ALCAM: variants seen among roughly 807,000 people sequenced by gnomAD.
The protein encoded by ALCAM is CD166 antigen.
In ALCAM, 30 loss-of-function variants were observed where a neutral mutation model predicts 70.9. The ratio of observed to expected loss-of-function variants is 0.42; its 90% CI spans 0.32 to 0.57. The LOEUF (loss-of-function observed/expected upper bound fraction) is 0.57, where lower values mean the gene tolerates loss of function less well. Among genes scored for constraint, ALCAM ranks in the 20% least tolerant of loss-of-function variants. The pLI is 0.11. For missense variants in ALCAM, 591 were observed against 695.1 expected (o/e 0.85, Z 1.68); for synonymous variants, 249 against 242.5 (o/e 1.03, Z -0.25).
At chr3:105,368,220 T>TG (rs1318253512) in intron 1 of ALCAM, among the ~76,000 whole-genome samples, 3 of 17,350 alleles carry the variant, frequency 1.7e-4, no homozygotes, top group Non-Finnish European at 2.4e-4. Flanking sequence ...TACTGAGTCT[T>TG]GGAAGAGAGA....
rs1035597717 is a variant in ALCAM at position 105,443,673 on chromosome 3, A to G, written c.73+76192A>G. 4.6e-5 allele frequency among the ~76,000 whole-genome samples: 7 copies of G among 152,352 alleles called. No individual in the cohort carries two copies. In the South Asian group the frequency reaches 1.4e-3, roughly 32 times the overall value. On this transcript the variant is annotated intron_variant, in intron 1 of 15. Coordinates refer to ENST00000306107, the MANE Select transcript of ALCAM (RefSeq NM_001627.4). The stretch of plus-strand genomic sequence containing the variant: ...ATCTTATTAAACAATGGACAAATGT[A>G]GAACTAAATTTCATTTCCACTTAAA...
intron 1 of ALCAM, among the ~76,000 whole-genome samples, chr3:105,404,790 G>A (rs956472311): frequency 6.6e-6 from 1 of 152,002 alleles, no homozygotes; most frequent in African/African-American, 2.4e-5. Context: ...AAAAGATGCA[G>A]AATGACAGAA....
At position 105,547,511 on chromosome 3, in the gene ALCAM, C is replaced by T. The variant is rs145462175; in HGVS notation, c.1362C>T (p.Ser454=). The change falls in exon 11 of 16, where the codon AGC becomes AGT. Residue 454 remains serine, a synonymous_variant. Transcript: ENST00000306107. The stretch of plus-strand genomic sequence containing the variant: ...AATGGACAATTACTGGCAGTGGAAG[C>T]GTCATAAACCAAGCAAGTATTTGTC... ...AIQWTITGSG[S]VINQTEESPY... is the part of the protein sequence containing the mutation. 1.7e-3 allele frequency: 2,788 copies of T among 1,606,412 alleles called. 13 individuals are homozygous for T. The highest frequency in any genetic ancestry group is 3.0e-3 in the East Asian group (135 of 44,776).
In ALCAM at chr3:105,554,882, TA is replaced by T. The variant is rs1372186294; in HGVS notation, c.1664+2299del. On this transcript the variant is annotated intron_variant, in intron 14 of 15. Coordinates refer to ENST00000306107, the MANE Select transcript of ALCAM (RefSeq NM_001627.4). ...ATTATGACTTCTGAATACTCCACAG[TA>T]ATTTTACTTCTTAAAACAATGAAAA... Among the ~76,000 whole-genome samples, 7 of 152,082 alleles carry T rather than the reference TA, an allele frequency of 4.6e-5. 1 individual carries two copies. The highest frequency in any genetic ancestry group is 2.0e-4 in the Admixed American group (3 of 15,230).
intron 7 of ALCAM, among the ~76,000 whole-genome samples, chr3:105,541,168 CCTTT>C (rs757030589): frequency 9.4e-5 from 14 of 148,634 alleles, no homozygotes; most frequent in South Asian, 4.3e-4. Context: ...CTTCCTTTCC[CCTTT>C]CTTTCTTTCT....
chr3:105,459,247 A>G (rs1213393607), intron 1 of ALCAM, among the ~76,000 whole-genome samples: 1 of 152,116 alleles, frequency 6.6e-6, no homozygotes, highest in Admixed American at 6.6e-5. Context: ...TTTAAGACTC[A>G]TCTCCTCTGT....
chr3:105,566,151 C>G (rs541462378), intron 14 of ALCAM, among the ~76,000 whole-genome samples: 1 of 152,274 alleles, frequency 6.6e-6, no homozygotes, highest in African/African-American at 2.4e-5. Flanking sequence ...CCCAGTGAAG[C>G]AACTGGAACA....
chr3:105,477,073 G>A (rs1938138413), intron 1 of ALCAM, among the ~76,000 whole-genome samples: 1 of 151,972 alleles, frequency 6.6e-6, no homozygotes, highest in Non-Finnish European at 1.5e-5. Context: ...TGATTCTGAG[G>A]CCTCCCCAGC....
intron 1 of ALCAM, among the ~76,000 whole-genome samples, chr3:105,405,771 A>G (rs1936213119): frequency 6.6e-6 from 1 of 152,226 alleles, no homozygotes; most frequent in Non-Finnish European, 1.5e-5. Context: ...CCATGCAAAT[A>G]CATGGAAATT....
intron 14 of ALCAM, among the ~76,000 whole-genome samples, chr3:105,559,582 A>G (rs949921922): frequency 5.3e-5 from 8 of 152,052 alleles, no homozygotes; most frequent in African/African-American, 1.9e-4. Flanking sequence ...CACCTTTACA[A>G]TTTAATCATG....
chr3:105,460,037 G>C (rs968627661), intron 1 of ALCAM, among the ~76,000 whole-genome samples: 1 of 152,066 alleles, frequency 6.6e-6, no homozygotes, highest in Non-Finnish European at 1.5e-5. Flanking sequence ...ATCTAGGTGA[G>C]AGGAAGCAGA....
At position 105,513,080 on chromosome 3, in the gene ALCAM, C is replaced by T. The variant is rs1051706700; in HGVS notation, c.74-6987C>T. 2.1e-5 allele frequency among the ~76,000 whole-genome samples: 3 copies of T among 142,388 alleles called. No homozygotes were observed. In the Admixed American group the frequency reaches 2.1e-4, roughly 10 times the overall value. 93.4% of individuals were successfully genotyped at this position (142,388 alleles called of 152,430 possible). On this transcript the variant is annotated intron_variant, in intron 1 of 15. Coordinates refer to ENST00000306107, the MANE Select transcript of ALCAM (RefSeq NM_001627.4). ...GTTCATTGTATTCTTTCTGCCTATC[C>T]CCCCCAAAGCACCCCCTTCCCACGC...
intron 1 of ALCAM, among the ~76,000 whole-genome samples, chr3:105,456,842 C>A (rs1214522629): frequency 4.0e-5 from 6 of 151,834 alleles, no homozygotes; most frequent in African/African-American, 1.5e-4. Context: ...GAAAAAAAAA[C>A]CCTCTAGTTA....
At position 105,541,616 on chromosome 3, in the gene ALCAM, T is replaced by C. The variant is rs971004132; in HGVS notation, c.859-17T>C. 6.2e-7 allele frequency: 1 copy of C among 1,610,092 alleles called. No homozygotes were observed. Among genetic ancestry groups the C allele is most frequent in the Non-Finnish European group, 8.5e-7 (1 of 1,177,828 alleles). The stretch of plus-strand genomic sequence containing the variant: ...GCGACCAAGTATAATCATCTGACAT[T>C]TTGCCTCTATCAAAAGGGACAGCCC... On this transcript the variant is annotated splice_polypyrimidine_tract_variant and intron_variant, in intron 7 of 15. Coordinates refer to ENST00000306107, the MANE Select transcript of ALCAM (RefSeq NM_001627.4).
In ALCAM at chr3:105,367,468, C is replaced by A. The variant is rs148340016; in HGVS notation, c.60C>A (p.Thr20=). ...RLLFCLLISA[T]VFRPGLGWYT... ...TCTTCTGCCTCTTGATCTCCGCCAC[C>A]GTCTTCAGGCCAGGTGAGCAAGGGC... The change falls in exon 1 of 16, where the codon ACC becomes ACA. Residue 20 remains threonine, a synonymous_variant. Transcript: ENST00000306107. 33 of 1,614,054 alleles carry A rather than the reference C, an allele frequency of 2.0e-5. No individual in the cohort carries two copies. In the African/African-American group the frequency reaches 4.3e-4, roughly 21 times the overall value.
chr3:105,390,014 CTT>C (rs1396619202), intron 1 of ALCAM, among the ~76,000 whole-genome samples: 1 of 151,834 alleles, frequency 6.6e-6, no homozygotes, highest in African/African-American at 2.4e-5. Context: ...GATTCCATGT[CTT>C]TGCTACTGTG....
At chr3:105,394,871 T>G (rs2107359953) in intron 1 of ALCAM, among the ~76,000 whole-genome samples, 1 of 152,122 alleles carries the variant, frequency 6.6e-6, no homozygotes, top group South Asian at 2.1e-4. Context: ...ACAAATTGCC[T>G]TTGTTTTTTC....
intron 4 of ALCAM, among the ~76,000 whole-genome samples, chr3:105,532,792 T>G (rs1222502473): frequency 6.6e-6 from 1 of 152,072 alleles, no homozygotes; most frequent in Non-Finnish European, 1.5e-5. Context: ...TAGAAAGAGA[T>G]GAATCTGGAG....
chr3:105,532,926 A>T (rs1939876100), intron 4 of ALCAM, among the ~76,000 whole-genome samples: 1 of 152,194 alleles, frequency 6.6e-6, no homozygotes, highest in African/African-American at 2.4e-5. Flanking sequence ...TTCGAACAAC[A>T]CATTAGCAGA....
Sources: allele counts gnomAD v4.1 joint callset (sites outside exome capture counted in the v4.1 genomes callset), GRCh38; gene constraint gnomAD v4.1.1; transcripts MANE v1.5; gene names NCBI Gene and HGNC (gene_info 2026-07-23, HGNC 2026-07-21).